DGKZ: variants seen among roughly 807,000 people sequenced by gnomAD.
DGKZ encodes diacylglycerol kinase zeta, also known as DAG kinase zeta.
In DGKZ, 45 loss-of-function variants were observed where a neutral mutation model predicts 142.5. That is an observed-to-expected ratio of 0.32 (90% CI 0.25 to 0.40). The LOEUF is 0.40. Among genes scored for constraint, DGKZ ranks in the 10% least tolerant of loss-of-function variants. DGKZ has a pLI of 1.00. For missense variants in DGKZ, 755 were observed against 1,306.5 expected (o/e 0.58, Z 6.51); for synonymous variants, 442 against 527.0 (o/e 0.84, Z 2.21).
At chr11:46,347,380 C>A, upstream of DGKZ, 1 of 984,142 alleles carries the variant, frequency 1.0e-6, no homozygotes, top group South Asian at 4.6e-5. The surrounding 1 kb of genome is among the most constrained non-coding windows in gnomAD (Gnocchi z 6.4). Flanking sequence ...GGCCCGGTGC[C>A]ACCGTGCGGC....
In DGKZ at chr11:46,372,083, C is replaced by T. The variant is rs770440631; in HGVS notation, c.840C>T (p.Arg280=). The T allele has an allele frequency of 9.3e-6, 15 of 1,609,796 alleles. No individual in the cohort carries two copies. The highest frequency in any genetic ancestry group is 1.3e-5 in the African/African-American group (1 of 74,822). The change falls in exon 10 of 31, where the codon CGC becomes CGT. Residue 280 remains arginine (R), a synonymous_variant. Transcript: ENST00000527911. This position sits in a 1 kb window ranked among gnomAD's most constrained non-coding sequence, Gnocchi z 5.9. ...CTCACCTTGTCTCCCAGGAGGGCCG[C>T]TGGAGACCCTTCATCATCAGGCCCA...
At chr11:46,376,206 C>T in intron 22 of DGKZ, 61 bp downstream of exon 22, 8 of 1,607,522 alleles carry the variant, frequency 5.0e-6, no homozygotes, top group Non-Finnish European at 6.8e-6. Context: ...GAGGCCAGGC[C>T]TCTTCCTCCC....
intron 25 of DGKZ, chr11:46,377,568 G>A (rs1038499123): frequency 2.8e-5 from 9 of 318,108 alleles, no homozygotes; most frequent in Admixed American, 1.8e-4. Flanking sequence ...TCGTGCCCTC[G>A]AACCCCCATC....
At chr11:46,335,427 GCACA>G (rs56935902) in intron 1 of DGKZ, among the ~76,000 whole-genome samples, 2,602 of 147,818 alleles carry the variant, frequency 0.018, 67 homozygotes, top group African/African-American at 0.057. Flanking sequence ...ACACGTGCAC[GCACA>G]CACACACACA....
At chr11:46,373,323 G>A (rs1406414875) in intron 14 of DGKZ, among the ~76,000 whole-genome samples, 1 of 115,848 alleles carries the variant, frequency 8.6e-6, no homozygotes, top group East Asian at 2.4e-4. Context: ...GTCTCGCTCT[G>A]TTACCCAGGC....
At position 46,367,091 on chromosome 11, in the gene DGKZ, A is replaced by T; in HGVS notation, c.162-200A>T. The stretch of plus-strand genomic sequence containing the variant: ...GGCTGAGGGTTCCCCACTTGGGAAC[A>T]CTCTGGGCAGTACCCTGAAGCCAGC... On this transcript the variant is annotated intron_variant, in intron 1 of 30. Coordinates refer to ENST00000527911, the Ensembl canonical transcript of DGKZ. The surrounding 1 kb of genome is among the most constrained non-coding windows in gnomAD (Gnocchi z 4.1). The T allele has an allele frequency of 7.2e-7, 1 of 1,381,870 alleles. No individual in the cohort carries two copies. The highest frequency in any genetic ancestry group is 9.8e-7 in the Non-Finnish European group (1 of 1,020,714). The allele number at this position is 1,381,870 out of a possible 1,614,324, so 85.6% of individuals were successfully genotyped here. A position where few individuals can be genotyped will look rare whatever the true frequency, so the allele number is the denominator to read the frequency against.
chr11:46,367,697 T>G lies in DGKZ; in HGVS notation c.316T>G (p.Ser106Ala), dbSNP rs533662070. Residue 106 changes from serine (S) to alanine (A), a missense_variant, in exon 3 of 31, where the codon TCC becomes GCC. Around this residue, in one of 8 missense-constraint regions of DGKZ, gnomAD observed 81 missense variants for 86.5 expected, o/e 0.94. Transcript: ENST00000527911. This position sits in a 1 kb window ranked among gnomAD's most constrained non-coding sequence, Gnocchi z 4.1. ...GCACATCTGGTTCGAGACCAACGTG[T>G]CCGGGGACTTCTGCTACGTTGGGGA... 4 of 1,611,392 alleles carry G rather than the reference T, an allele frequency of 2.5e-6. No individual in the cohort carries two copies. The highest frequency in any genetic ancestry group is 3.3e-5 in the Admixed American group (2 of 59,992).
At position 46,364,868 on chromosome 11, in the gene DGKZ, C is replaced by G. The variant is rs1160145680; in HGVS notation, c.162-2423C>G. The G allele has an allele frequency of 3.0e-6, 3 of 985,342 alleles. No homozygotes were observed. In the African/African-American group the frequency reaches 5.2e-5, roughly 17 times the overall value. 61.0% of individuals were successfully genotyped at this position (985,342 alleles called of 1,614,324 possible). On this transcript the variant is annotated intron_variant, in intron 1 of 30. Transcript: ENST00000527911. ...CTGTCAGCCCCAGGCAGCACTGTCC[C>G]AGGGCTGTGACCTTGACCTCTGTGG...
At chr11:46,340,384 G>T (rs576797627) in intron 1 of DGKZ, among the ~76,000 whole-genome samples, 5 of 152,338 alleles carry the variant, frequency 3.3e-5, no homozygotes, top group South Asian at 2.1e-4. Context: ...GTAGTCCAGG[G>T]TGGGGACAGA....
chr11:46,341,310 T>A (rs1452818728), intron 1 of DGKZ, among the ~76,000 whole-genome samples: 1 of 152,136 alleles, frequency 6.6e-6, no homozygotes, highest in African/African-American at 2.4e-5. Flanking sequence ...AGGAGCAACA[T>A]AAGGTTCAAG....
rs369691508 is a variant in DGKZ at position 46,372,833 on chromosome 11, C to T, written c.1134C>T (p.Ile378=). Residue 378 remains isoleucine, a synonymous_variant, in exon 13 of 31, where the codon ATC becomes ATT. Transcript: ENST00000527911. The surrounding 1 kb of genome is among the most constrained non-coding windows in gnomAD (Gnocchi z 5.9). ...TGAAGCCGCCACCCCCTGTTGCCAT[C>T]CTGCCCCTGGGTACTGGCAACGACT... The T allele has an allele frequency of 2.7e-5, 43 of 1,601,560 alleles. No homozygotes were observed. The highest frequency in any genetic ancestry group is 6.7e-5 in the African/African-American group (5 of 74,544).
At chr11:46,364,037 A>G (rs900006743) in intron 1 of DGKZ, among the ~76,000 whole-genome samples, 2 of 152,178 alleles carry the variant, frequency 1.3e-5, no homozygotes, top group South Asian at 4.1e-4. Context: ...ATTACACGAG[A>G]TGATAAAGTA....
Position 46,347,553 on chromosome 11 carries a change from C to G in DGKZ, c.-107C>G. On this transcript the variant is annotated 5_prime_UTR_variant, in exon 1 of 31. Coordinates refer to ENST00000527911, the Ensembl canonical transcript of DGKZ. The surrounding 1 kb of genome is among the most constrained non-coding windows in gnomAD (Gnocchi z 6.4). ...CGGCGCGGGGCGGGCGGAGCGAGCG[C>G]GCGCCATGGAGGTGGCGGGCGGCGC... 2 of 994,974 alleles carry G rather than the reference C, an allele frequency of 2.0e-6. No homozygotes were observed. The highest frequency in any genetic ancestry group is 2.4e-6 in the Non-Finnish European group (2 of 837,734). The allele number at this position is 994,974 out of a possible 1,614,324, so 61.6% of individuals were successfully genotyped here. A position where few individuals can be genotyped will look rare whatever the true frequency, so the allele number is the denominator to read the frequency against.
At chr11:46,345,440 G>A (rs776460045), upstream of DGKZ, 59 of 1,466,504 alleles carry the variant, frequency 4.0e-5, no homozygotes, top group African/African-American at 5.8e-4. This position sits in a 1 kb window ranked among gnomAD's most constrained non-coding sequence, Gnocchi z 4.1. Flanking sequence ...CCACAGTGCC[G>A]GGGGAAGCTG....
chr11:46,349,533 G>A (rs535816766), intron 1 of DGKZ, among the ~76,000 whole-genome samples: 32 of 151,588 alleles, frequency 2.1e-4, no homozygotes, highest in African/African-American at 7.6e-4. Context: ...AATAAGCAGG[G>A]TAGGTGGTAT....
intron 1 of DGKZ, among the ~76,000 whole-genome samples, chr11:46,334,247 A>C (rs1590363197): frequency 6.6e-6 from 1 of 152,212 alleles, no homozygotes; most frequent in Non-Finnish European, 1.5e-5. Context: ...GGGACAGCCC[A>C]GTACACACCT....
chr11:46,371,589 G>T (rs751415123), exon 8 of DGKZ: 4 of 1,610,418 alleles, frequency 2.5e-6, no homozygotes, highest in South Asian at 1.1e-5. Context: ...GATCCTCCGC[G>T]CCCGGAGGCC....
upstream of DGKZ, chr11:46,345,141 GA>G (rs1261702371): frequency 3.1e-6 from 2 of 647,664 alleles, no homozygotes; most frequent in Non-Finnish European, 4.5e-6. This position sits in a 1 kb window ranked among gnomAD's most constrained non-coding sequence, Gnocchi z 4.1. Flanking sequence ...AGTTTAAATG[GA>G]GAGGAAAACC....
chr11:46,374,069 G>GGC, intron 14 of DGKZ, 88 bp from the exon 15 acceptor site: 1 of 1,428,694 alleles, frequency 7.0e-7, no homozygotes, highest in Non-Finnish European at 9.8e-7. Flanking sequence ...TGAACAGATG[G>GGC]GCTGAGCTGG....
Sources: allele counts gnomAD v4.1 joint callset (sites outside exome capture counted in the v4.1 genomes callset), GRCh38; gene constraint gnomAD v4.1.1; regional missense constraint gnomAD v4.1.1; non-coding constraint Gnocchi (gnomAD v3.1); transcripts MANE v1.5; gene names NCBI Gene and HGNC (gene_info 2026-07-23, HGNC 2026-07-21).